SGCZ: variants seen among roughly 807,000 people sequenced by gnomAD.
SGCZ encodes the protein zeta-sarcoglycan.
A neutral mutation model predicts 41.3 loss-of-function variants in SGCZ; 40 were observed. The ratio of observed to expected loss-of-function variants is 0.97; its 90% CI spans 0.75 to 1.26. The LOEUF is 1.26. Ranked by LOEUF, SGCZ falls within the 50% of genes most tolerant of loss-of-function variation. SGCZ has a pLI of 0.00. For synonymous variants in SGCZ, 206 were observed against 137.5 expected (o/e 1.50, Z -3.49); for missense variants, 552 against 369.8 (o/e 1.49, Z -4.04).
chr8:14,699,134 C>T lies in SGCZ; in HGVS notation c.40-144208G>A, dbSNP rs150656687. ...AGGTTTAAATTAAAGGACACTAAAA[C>T]AGTGTTGAATAGTAACAACAGAGGG... is the stretch of plus-strand genomic sequence containing the variant. On this transcript the variant is annotated intron_variant, in intron 1 of 7. Coordinates refer to ENST00000382080, the MANE Select transcript of SGCZ (RefSeq NM_139167.4). 7.6e-3 allele frequency among the ~76,000 whole-genome samples: 1,155 copies of T among 151,290 alleles called. 14 individuals carry two copies. The highest frequency in any genetic ancestry group is 0.026 in the South Asian group (125 of 4,796).
chr8:15,128,493 C>T (rs1807785805), intron 1 of SGCZ, among the ~76,000 whole-genome samples: 1 of 152,166 alleles, frequency 6.6e-6, no homozygotes, highest in Non-Finnish European at 1.5e-5. Context: ...TCTGGGACTC[C>T]CCTTCACTAA....
chr8:14,734,324 C>G (rs1019523566), intron 1 of SGCZ, among the ~76,000 whole-genome samples: 2 of 152,062 alleles, frequency 1.3e-5, no homozygotes, highest in Non-Finnish European at 2.9e-5. Flanking sequence ...AAGAACACAT[C>G]ATTGAATAAT....
chr8:14,253,542 T>A (rs1443320650), intron 3 of SGCZ, among the ~76,000 whole-genome samples: 1 of 152,056 alleles, frequency 6.6e-6, no homozygotes, highest in Non-Finnish European at 1.5e-5. Context: ...CACTTTTTCT[T>A]CAAATCAGAA....
chr8:14,904,527 T>C (rs891846211), intron 1 of SGCZ, among the ~76,000 whole-genome samples: 1 of 152,152 alleles, frequency 6.6e-6, no homozygotes, highest in South Asian at 2.1e-4. Context: ...CCTTGAATAA[T>C]TCATTATTAA....
intron 3 of SGCZ, among the ~76,000 whole-genome samples, chr8:14,274,261 T>G (rs1800158819): frequency 6.6e-6 from 1 of 152,168 alleles, no homozygotes; most frequent in African/African-American, 2.4e-5. Flanking sequence ...AGGCATATTC[T>G]GACCTCTTTT....
At chr8:14,882,691 A>T (rs537424471) in intron 1 of SGCZ, among the ~76,000 whole-genome samples, 66 of 152,274 alleles carry the variant, frequency 4.3e-4, no homozygotes, top group African/African-American at 1.5e-3. Flanking sequence ...TGATTACGAC[A>T]GCTCTGCTGC....
Position 14,284,223 on chromosome 8 carries a change from T to C in SGCZ, c.336+39880A>G, listed in dbSNP as rs1800542743. On this transcript the variant is annotated intron_variant, in intron 3 of 7. Transcript: ENST00000382080. ...CTAGGTAATATAGTGGAACCCCACC[T>C]CTACAAAACATTTGAAAAGTTCGCC... Among the ~76,000 whole-genome samples the C allele has an allele frequency of 2.6e-5, 4 of 152,174 alleles. No homozygotes were observed. The South Asian group carries it at 8.3e-4, about 31-fold the overall frequency.
At chr8:14,627,668 G>T (rs1011489825) in intron 1 of SGCZ, among the ~76,000 whole-genome samples, 3 of 151,824 alleles carry the variant, frequency 2.0e-5, no homozygotes, top group Non-Finnish European at 2.9e-5. Context: ...TTTAATTTCT[G>T]AATGATTGTC....
chr8:14,750,321 A>T (rs1799458936), intron 1 of SGCZ, among the ~76,000 whole-genome samples: 1 of 152,290 alleles, frequency 6.6e-6, no homozygotes, highest in Admixed American at 6.5e-5. Flanking sequence ...GACATTAAAG[A>T]TTCACAGAAA....
intron 1 of SGCZ, among the ~76,000 whole-genome samples, chr8:14,823,198 AG>A (rs1255943429): frequency 6.6e-6 from 1 of 152,096 alleles, no homozygotes; most frequent in Non-Finnish European, 1.5e-5. Flanking sequence ...AGACTTCAAA[AG>A]CACAGGTAAC....
chr8:14,613,360 T>C (rs888078100), intron 1 of SGCZ, among the ~76,000 whole-genome samples: 4 of 152,160 alleles, frequency 2.6e-5, no homozygotes, highest in African/African-American at 9.7e-5. Context: ...ATTGGAACCA[T>C]TTTTAGGTGG....
intron 1 of SGCZ, among the ~76,000 whole-genome samples, chr8:14,689,981 G>T (rs1008902151): frequency 6.6e-6 from 1 of 152,100 alleles, no homozygotes; most frequent in Non-Finnish European, 1.5e-5. Flanking sequence ...AATAAGGTTA[G>T]AAAAACAAAG....
intron 2 of SGCZ, among the ~76,000 whole-genome samples, chr8:14,492,002 A>G (rs1801855671): frequency 6.6e-6 from 1 of 152,222 alleles, no homozygotes; most frequent in Non-Finnish European, 1.5e-5. Context: ...ATGAGCGAGT[A>G]TGTCTCATCA....
chr8:14,595,497 A>G (rs966369463), intron 1 of SGCZ, among the ~76,000 whole-genome samples: 2 of 152,072 alleles, frequency 1.3e-5, no homozygotes, highest in Non-Finnish European at 2.9e-5. Context: ...AGGCAGAACT[A>G]TAACAACACA....
chr8:14,209,233 C>CA (rs1805717171), intron 4 of SGCZ, among the ~76,000 whole-genome samples: 1 of 152,206 alleles, frequency 6.6e-6, no homozygotes, highest in African/African-American at 2.4e-5. Flanking sequence ...GTAAATCAGA[C>CA]ACACAGCCTC....
intron 1 of SGCZ, among the ~76,000 whole-genome samples, chr8:14,836,699 C>CA (rs1386304497): frequency 6.6e-6 from 1 of 152,146 alleles, no homozygotes; most frequent in Non-Finnish European, 1.5e-5. Context: ...CACGGTTTTA[C>CA]CGTGTTGGCC....
chr8:14,927,257 C>T (rs1475085477), intron 1 of SGCZ, among the ~76,000 whole-genome samples: 2 of 151,828 alleles, frequency 1.3e-5, no homozygotes, highest in African/African-American at 2.4e-5. Flanking sequence ...TACAGGCGTC[C>T]GCCACCACGC....
intron 2 of SGCZ, among the ~76,000 whole-genome samples, chr8:14,367,389 G>C (rs575593652): frequency 4.6e-5 from 7 of 152,158 alleles, no homozygotes; most frequent in Non-Finnish European, 2.9e-5. Context: ...CTCTTTGCCT[G>C]TTAGTTCCAA....
intron 4 of SGCZ, among the ~76,000 whole-genome samples, chr8:14,229,484 C>T (rs1806486090): frequency 6.6e-6 from 1 of 151,952 alleles, no homozygotes; most frequent in South Asian, 2.1e-4. Flanking sequence ...CATGAATTAA[C>T]TAATAATGAA....
Sources: gnomAD v4.1 joint callset for allele counts (sites outside exome capture counted in the v4.1 genomes callset) on GRCh38, gnomAD v4.1.1 for gene constraint, MANE v1.5 for transcripts, NCBI Gene and HGNC (gene_info 2026-07-23, HGNC 2026-07-21) for gene names.